Variants in GABBR2 observed in about 807,000 individuals in gnomAD.
GABBR2 encodes gamma-aminobutyric acid type B receptor subunit 2.
A neutral mutation model predicts 105.6 loss-of-function variants in GABBR2; 23 were observed. The observed-to-expected ratio is 0.22, with a 90% CI of 0.16 to 0.31. The LOEUF is 0.31. GABBR2 is among the 10% of genes least tolerant of loss of function. The probability of loss-of-function intolerance (pLI) is 1.00; values close to 1 mark genes in which losing one functional copy is unlikely to be tolerated. For missense variants in GABBR2, 734 were observed against 1,245.5 expected (o/e 0.59, Z 6.18); for synonymous variants, 478 against 499.7 (o/e 0.96, Z 0.58).
At chr9:98,565,768 C>A (rs942465881) in intron 2 of GABBR2, among the ~76,000 whole-genome samples, 2 of 152,184 alleles carry the variant, frequency 1.3e-5, no homozygotes, top group African/African-American at 2.4e-5. Flanking sequence ...CCCCAGGCAC[C>A]AGCTAACAAG....
intron 13 of GABBR2, among the ~76,000 whole-genome samples, chr9:98,331,722 T>C (rs1363680816): frequency 6.6e-6 from 1 of 152,170 alleles, no homozygotes; most frequent in East Asian, 1.9e-4. Context: ...GAGGACAGGC[T>C]GTGCTGAGCA....
intron 1 of GABBR2, among the ~76,000 whole-genome samples, chr9:98,613,208 G>T (rs901876586): frequency 6.6e-6 from 1 of 152,206 alleles, no homozygotes; most frequent in Non-Finnish European, 1.5e-5. Flanking sequence ...GGAGGCCAAG[G>T]TGAGAGGATC....
At chr9:98,498,846 G>A (rs1480516443) in intron 3 of GABBR2, among the ~76,000 whole-genome samples, 1 of 152,264 alleles carries the variant, frequency 6.6e-6, no homozygotes, top group Non-Finnish European at 1.5e-5. Flanking sequence ...CCCATGATGA[G>A]TTTTGAGCAG....
intron 13 of GABBR2, among the ~76,000 whole-genome samples, chr9:98,357,454 T>C: frequency 6.6e-6 from 1 of 152,192 alleles, no homozygotes; most frequent in East Asian, 1.9e-4. Context: ...TGGAGACCAG[T>C]CTAGACAACA....
At chr9:98,680,993 G>T (rs1830538527) in intron 1 of GABBR2, among the ~76,000 whole-genome samples, 1 of 152,132 alleles carries the variant, frequency 6.6e-6, no homozygotes. Context: ...TACTGTTGGT[G>T]GGACTGTAAA....
chr9:98,690,179 G>A (rs755852222), intron 1 of GABBR2, among the ~76,000 whole-genome samples: 2 of 152,058 alleles, frequency 1.3e-5, no homozygotes, highest in Non-Finnish European at 2.9e-5. Flanking sequence ...ACTTTCCAGT[G>A]TCATTATCTA....
chr9:98,349,344 GTTTTGTTTTTT>G (rs1324976829), intron 13 of GABBR2, among the ~76,000 whole-genome samples: 6 of 105,484 alleles, frequency 5.7e-5, no homozygotes, highest in African/African-American at 8.0e-5. Flanking sequence ...TTTTGTTGAA[GTTTTGTTTTTT>G]TTTTTTTTTT....
chr9:98,545,476 A>G (rs1828380255), intron 2 of GABBR2, among the ~76,000 whole-genome samples: 1 of 152,206 alleles, frequency 6.6e-6, no homozygotes, highest in South Asian at 2.1e-4. Flanking sequence ...GACATCTGAG[A>G]AATCATCTAG....
chr9:98,425,911 A>T (rs144423347), intron 7 of GABBR2, among the ~76,000 whole-genome samples: 2 of 152,324 alleles, frequency 1.3e-5, no homozygotes, highest in African/African-American at 4.8e-5. Context: ...TTCATGTAGG[A>T]GGCAGCGCTG....
At chr9:98,321,277 A>G (rs1830817833) in intron 13 of GABBR2, among the ~76,000 whole-genome samples, 1 of 152,038 alleles carries the variant, frequency 6.6e-6, no homozygotes, top group African/African-American at 2.4e-5. Context: ...CTGCTTGCTG[A>G]CCTCAGGCAA....
At chr9:98,662,557 G>A (rs1830278117) in intron 1 of GABBR2, among the ~76,000 whole-genome samples, 1 of 152,122 alleles carries the variant, frequency 6.6e-6, no homozygotes, top group Admixed American at 6.5e-5. Flanking sequence ...ATTTAAAAGG[G>A]GAGCAGAGCT....
chr9:98,394,819 C>T (rs907910732), intron 8 of GABBR2, among the ~76,000 whole-genome samples: 8 of 150,592 alleles, frequency 5.3e-5, no homozygotes, highest in African/African-American at 2.0e-4. Flanking sequence ...CTGACCAGTG[C>T]ACTTTTGGCA....
intron 2 of GABBR2, among the ~76,000 whole-genome samples, chr9:98,560,482 TACAC>T (rs750235644): frequency 7.7e-6 from 1 of 130,612 alleles, no homozygotes; most frequent in South Asian, 2.5e-4. Flanking sequence ...CACACACATA[TACAC>T]ACACACACAT....
At chr9:98,537,456 C>CT (rs200207665) in intron 3 of GABBR2, among the ~76,000 whole-genome samples, 3,724 of 147,306 alleles carry the variant, frequency 0.025, 113 homozygotes, top group African/African-American at 0.069. Flanking sequence ...CAAACACATA[C>CT]TTTTTTTTTT....
chr9:98,673,866 C>G (rs1184008083), intron 1 of GABBR2, among the ~76,000 whole-genome samples: 1 of 152,176 alleles, frequency 6.6e-6, no homozygotes, highest in Non-Finnish European at 1.5e-5. Flanking sequence ...GCTGCTGCCT[C>G]TGAAGGTCAT....
At chr9:98,703,376 A>G (rs183444435) in intron 1 of GABBR2, among the ~76,000 whole-genome samples, 10 of 152,352 alleles carry the variant, frequency 6.6e-5, no homozygotes, top group African/African-American at 2.4e-4. Flanking sequence ...CATCAAGAGT[A>G]CTAAACAACA....
intron 1 of GABBR2, among the ~76,000 whole-genome samples, chr9:98,629,578 T>C (rs1829789910): frequency 6.6e-6 from 1 of 152,234 alleles, no homozygotes; most frequent in South Asian, 2.1e-4. Flanking sequence ...AGCATTCAAC[T>C]CCTTCTTACA....
At chr9:98,319,263 C>A (rs1830778217) in intron 13 of GABBR2, among the ~76,000 whole-genome samples, 1 of 152,160 alleles carries the variant, frequency 6.6e-6, no homozygotes, top group African/African-American at 2.4e-5. Context: ...ATGTGGAAAG[C>A]ATCATTATTA....
At chr9:98,397,699 T>C (rs1832319435) in intron 8 of GABBR2, among the ~76,000 whole-genome samples, 1 of 152,212 alleles carries the variant, frequency 6.6e-6, no homozygotes. Context: ...CAAGTTAACC[T>C]GTCCAAACCC....
Sources: allele counts gnomAD v4.1 joint callset (sites outside exome capture counted in the v4.1 genomes callset), GRCh38; gene constraint gnomAD v4.1.1; transcripts MANE v1.5; gene names NCBI Gene and HGNC (gene_info 2026-07-23, HGNC 2026-07-21).